Variants in GPR158 observed in about 807,000 individuals in gnomAD.
GPR158 encodes the protein G protein-coupled receptor 158.
Under a neutral mutation model 78.2 loss-of-function variants are expected in GPR158, and 30 were observed. That is an observed-to-expected ratio of 0.38 (90% CI 0.29 to 0.52). The LOEUF is 0.52. Among genes scored for constraint, GPR158 ranks in the 20% least tolerant of loss-of-function variants. The pLI is 0.83. For synonymous variants in GPR158, 581 were observed against 591.1 expected, an observed-to-expected ratio of 0.98 and a Z score of 0.25; for missense variants, 1,463 against 1,523.5, an observed-to-expected ratio of 0.96 and a Z score of 0.66.
At chr10:25,204,808 GTC>G (rs754128729) in intron 1 of GPR158, among the ~76,000 whole-genome samples, 9 of 144,824 alleles carry the variant, frequency 6.2e-5, no homozygotes, top group South Asian at 2.1e-4. Flanking sequence ...GTTCAAAGTA[GTC>G]TCTGAGGGTT....
intron 2 of GPR158, among the ~76,000 whole-genome samples, chr10:25,237,687 T>C (rs1449870393): frequency 6.6e-6 from 1 of 152,228 alleles, no homozygotes; most frequent in Non-Finnish European, 1.5e-5. Flanking sequence ...AGGCACATGA[T>C]ACCTTTTAAA....
chr10:25,222,778 T>C (rs1853318033), intron 2 of GPR158, among the ~76,000 whole-genome samples: 1 of 152,198 alleles, frequency 6.6e-6, no homozygotes, highest in African/African-American at 2.4e-5. Flanking sequence ...TTGTGGATAT[T>C]GATCTGTGTG....
intron 2 of GPR158, among the ~76,000 whole-genome samples, chr10:25,263,518 T>C (rs962903370): frequency 6.6e-6 from 1 of 152,210 alleles, no homozygotes. Flanking sequence ...TATGTTTAGT[T>C]TCTTTTCAAA....
chr10:25,461,438 G>A (rs984942461), intron 4 of GPR158, among the ~76,000 whole-genome samples: 2 of 152,170 alleles, frequency 1.3e-5, no homozygotes, highest in African/African-American at 4.8e-5. Flanking sequence ...TTAAGCCAAA[G>A]CCTAATCCAA....
chr10:25,401,129 C>T (rs958801580), intron 3 of GPR158, among the ~76,000 whole-genome samples: 12 of 151,984 alleles, frequency 7.9e-5, no homozygotes, highest in African/African-American at 1.2e-4. Context: ...GCTGGGGAGT[C>T]GGGACATTTG....
chr10:25,414,150 A>G (rs1189707693), intron 4 of GPR158, among the ~76,000 whole-genome samples: 2 of 152,210 alleles, frequency 1.3e-5, no homozygotes, highest in African/African-American at 4.8e-5. Flanking sequence ...TTGCTCTGCT[A>G]AATGAGTTGG....
chr10:25,445,870 C>T (rs1469496903), intron 4 of GPR158, among the ~76,000 whole-genome samples: 1 of 152,068 alleles, frequency 6.6e-6, no homozygotes, highest in Non-Finnish European at 1.5e-5. Flanking sequence ...TTAGAAGGAA[C>T]AGGTTTGAAT....
chr10:25,371,534 C>T (rs1478732145), intron 2 of GPR158, among the ~76,000 whole-genome samples: 2 of 150,094 alleles, frequency 1.3e-5, no homozygotes, highest in African/African-American at 4.9e-5. Context: ...CAGAACAGAG[C>T]CCTCAGAAAT....
chr10:25,469,325 C>A (rs1835463124), intron 5 of GPR158, among the ~76,000 whole-genome samples: 1 of 152,182 alleles, frequency 6.6e-6, no homozygotes, highest in South Asian at 2.1e-4. Flanking sequence ...TTTGCATGTC[C>A]AGCAAAATTC....
At chr10:25,323,924 G>A (rs111644449) in intron 2 of GPR158, among the ~76,000 whole-genome samples, 2,845 of 152,190 alleles carry the variant, frequency 0.019, 77 homozygotes, top group African/African-American at 0.065. Flanking sequence ...CTTAAACCTC[G>A]TGAACCAACT....
intron 6 of GPR158, among the ~76,000 whole-genome samples, chr10:25,567,062 G>A (rs1250441397): frequency 6.6e-6 from 1 of 152,028 alleles, no homozygotes; most frequent in Non-Finnish European, 1.5e-5. Flanking sequence ...TAAAGAAGAA[G>A]CTCAGGACAT....
chr10:25,525,018 T>G (rs1029919730), intron 5 of GPR158, among the ~76,000 whole-genome samples: 2 of 152,176 alleles, frequency 1.3e-5, no homozygotes, highest in African/African-American at 4.8e-5. Flanking sequence ...TATGAAAAGA[T>G]GATCAGCATC....
At chr10:25,471,524 G>GA (rs1588878440) in intron 5 of GPR158, among the ~76,000 whole-genome samples, 2 of 152,100 alleles carry the variant, frequency 1.3e-5, no homozygotes, top group African/African-American at 4.8e-5. Flanking sequence ...CTAGATCCTT[G>GA]AGGAATCGCC....
At chr10:25,200,363 T>C (rs1852904749) in intron 1 of GPR158, among the ~76,000 whole-genome samples, 1 of 152,056 alleles carries the variant, frequency 6.6e-6, no homozygotes, top group Non-Finnish European at 1.5e-5. Context: ...AATAAGGTTG[T>C]CTGTTTTTTG....
chr10:25,353,191 C>A (rs746603937), intron 2 of GPR158, among the ~76,000 whole-genome samples: 1 of 151,924 alleles, frequency 6.6e-6, no homozygotes, highest in Admixed American at 6.6e-5. Context: ...CCTTGAAAAT[C>A]CAATTTTTTA....
chr10:25,301,352 T>A (rs144156189), intron 2 of GPR158, among the ~76,000 whole-genome samples: 1 of 152,310 alleles, frequency 6.6e-6, no homozygotes, highest in African/African-American at 2.4e-5. Context: ...TTCTCAACTC[T>A]GGCTATTAGT....
intron 2 of GPR158, among the ~76,000 whole-genome samples, chr10:25,296,488 T>G (rs1854516648): frequency 6.6e-6 from 1 of 151,670 alleles, no homozygotes; most frequent in Non-Finnish European, 1.5e-5. Flanking sequence ...TCTATCTATA[T>G]CTAATCTATC....
chr10:25,292,540 G>A (rs906197859), intron 2 of GPR158, among the ~76,000 whole-genome samples: 19 of 151,798 alleles, frequency 1.3e-4, no homozygotes, highest in South Asian at 4.1e-4. Context: ...TAGATTATTC[G>A]CTCTATATAG....
In GPR158 at chr10:25,289,912, C is replaced by T. The variant is rs58635166; in HGVS notation, c.1008+68755C>T. The stretch of plus-strand genomic sequence containing the variant: ...CTATTGTAAATTCACTAATAAGATA[C>T]GGAGATACAATGACAAATCAAGACT... On this transcript the variant is annotated intron_variant, in intron 2 of 10. Transcript: ENST00000376351. Among the ~76,000 whole-genome samples the T allele has an allele frequency of 6.8e-3, 1,039 of 152,088 alleles. 7 individuals are homozygous for T. Among genetic ancestry groups the T allele is most frequent in the African/African-American group, 0.023 (974 of 41,500 alleles).
Sources: allele counts gnomAD v4.1 joint callset (sites outside exome capture counted in the v4.1 genomes callset), GRCh38; gene constraint gnomAD v4.1.1; transcripts MANE v1.5; gene names NCBI Gene and HGNC (gene_info 2026-07-23, HGNC 2026-07-21).